Variants in SYT9 observed in about 807,000 individuals in gnomAD.
SYT9 encodes synaptotagmin-9.
A neutral mutation model predicts 48.4 loss-of-function variants in SYT9; 22 were observed. That is an observed-to-expected ratio of 0.45 (90% confidence interval 0.32 to 0.65). The LOEUF is 0.65. Ranked by LOEUF, SYT9 falls within the 30% of genes least tolerant of loss-of-function variation. SYT9 has a pLI of 0.03. For missense variants in SYT9, 577 were observed against 622.0 expected, an observed-to-expected ratio of 0.93 and a Z score of 0.77; for synonymous variants, 265 against 245.0, an observed-to-expected ratio of 1.08 and a Z score of -0.76.
At chr11:7,267,713 A>G (rs1848213630) in intron 1 of SYT9, among the ~76,000 whole-genome samples, 1 of 151,992 alleles carries the variant, frequency 6.6e-6, no homozygotes, top group South Asian at 2.1e-4. Flanking sequence ...AAAAAAAATA[A>G]GAGCAAAGCA....
chr11:7,299,932 T>C (rs1173508802), intron 1 of SYT9, among the ~76,000 whole-genome samples: 1 of 152,148 alleles, frequency 6.6e-6, no homozygotes, highest in African/African-American at 2.4e-5. Flanking sequence ...AGAGGTCACG[T>C]TGTACTAAGC....
intron 6 of SYT9, among the ~76,000 whole-genome samples, chr11:7,447,310 C>A (rs1400002166): frequency 6.6e-6 from 1 of 152,146 alleles, no homozygotes; most frequent in Non-Finnish European, 1.5e-5. Context: ...ACCCAAGTTC[C>A]TTAGAGGGCA....
At chr11:7,373,415 C>T (rs1413587116) in intron 3 of SYT9, among the ~76,000 whole-genome samples, 1 of 152,144 alleles carries the variant, frequency 6.6e-6, no homozygotes, top group Non-Finnish European at 1.5e-5. Flanking sequence ...CACCTCTCCT[C>T]TTCCTATATT....
chr11:7,440,957 A>T (rs909938678), intron 6 of SYT9: 3 of 152,218 alleles, frequency 2.0e-5, no homozygotes, highest in African/African-American at 7.2e-5. Flanking sequence ...GGGATGTGGA[A>T]AAAAAGGGTT....
chr11:7,319,192 C>CTTTTTTTTTTTTTTTTTTTTTTTCTTTT (rs71056795), intron 3 of SYT9, among the ~76,000 whole-genome samples: 1 of 86,188 alleles, frequency 1.2e-5, no homozygotes, highest in Non-Finnish European at 2.2e-5. Context: ...TCTTCTTTTT[C>CTTTTTTTTTTTTTTTTTTTTTTTCTTTT]TTTTTTTTTT....
intron 3 of SYT9, among the ~76,000 whole-genome samples, chr11:7,345,624 A>G (rs1326242699): frequency 6.6e-6 from 1 of 152,216 alleles, no homozygotes; most frequent in Non-Finnish European, 1.5e-5. Flanking sequence ...CATGTGTTCC[A>G]TTTTTAACAT....
chr11:7,438,250 T>C (rs1470588348), intron 6 of SYT9: 1 of 152,030 alleles, frequency 6.6e-6, no homozygotes, highest in Non-Finnish European at 1.5e-5. Context: ...AAAGGAAAGG[T>C]TGAAGATACA....
rs779779931 is a variant in SYT9, at chr11:7,350,531, T to A, written c.1044+36590T>A. ...CTGCAGGCCACAAGTTTTTATCCCCTCTTTCCTATGTCTCAGCCTACTTCT... is the reference window on the plus strand; with the variant it reads ...CTGCAGGCCACAAGTTTTTATCCCCACTTTCCTATGTCTCAGCCTACTTCT... On this transcript the variant is annotated intron_variant, in intron 3 of 6. Coordinates refer to ENST00000318881, the MANE Select transcript of SYT9 (RefSeq NM_175733.4). Among the ~76,000 whole-genome samples, 17 of 152,228 alleles carry A rather than the reference T, an allele frequency of 1.1e-4. 1 individual carries two copies. The highest frequency in any genetic ancestry group is 8.8e-5 in the Non-Finnish European group (6 of 68,032).
intron 1 of SYT9, among the ~76,000 whole-genome samples, chr11:7,284,163 G>A (rs949977762): frequency 8.5e-5 from 13 of 152,180 alleles, no homozygotes; most frequent in African/African-American, 2.6e-4. Flanking sequence ...AAATAAAAGC[G>A]TATTTCTTCA....
intron 1 of SYT9, among the ~76,000 whole-genome samples, chr11:7,241,834 G>T (rs149293406): frequency 6.6e-6 from 1 of 152,168 alleles, no homozygotes; most frequent in Non-Finnish European, 1.5e-5. Context: ...GAAAAATCCT[G>T]CCAGATAATT....
chr11:7,266,651 T>G (rs1267820920), intron 1 of SYT9, among the ~76,000 whole-genome samples: 3 of 152,150 alleles, frequency 2.0e-5, no homozygotes, highest in East Asian at 3.8e-4. Context: ...TTCAATCACA[T>G]CTGCCTTCCC....
chr11:7,265,544 T>C (rs1471564569), intron 1 of SYT9, among the ~76,000 whole-genome samples: 1 of 152,140 alleles, frequency 6.6e-6, no homozygotes, highest in African/African-American at 2.4e-5. Context: ...GCCTTCGTGG[T>C]TTACAATTAC....
intron 1 of SYT9, among the ~76,000 whole-genome samples, chr11:7,243,471 C>A (rs1078089): frequency 0.24 from 37,116 of 152,006 alleles, 4,856 homozygotes; most frequent in East Asian, 0.52. Context: ...TCTTTCTCCC[C>A]CTTCTGCCTC....
At chr11:7,420,446 T>C (rs1847330638) in intron 5 of SYT9, 60 bp from the exon 6 acceptor site, 3 of 1,588,600 alleles carry the variant, frequency 1.9e-6, no homozygotes, top group Middle Eastern at 3.4e-4. Flanking sequence ...TTTAATTGAG[T>C]AGCTATTGAT....
intron 2 of SYT9, among the ~76,000 whole-genome samples, chr11:7,309,242 A>G (rs1037757798): frequency 2.0e-4 from 30 of 152,124 alleles, no homozygotes; most frequent in African/African-American, 6.7e-4. Flanking sequence ...GAGAGTTCCA[A>G]CCCCAGCAGC....
chr11:7,262,152 A>T (rs1035089888), intron 1 of SYT9, among the ~76,000 whole-genome samples: 1 of 152,136 alleles, frequency 6.6e-6, no homozygotes, highest in Admixed American at 6.5e-5. Context: ...GAAGGTGGAG[A>T]TGACAACATT....
At chr11:7,277,987 G>T (rs1564844852) in intron 1 of SYT9, among the ~76,000 whole-genome samples, 1 of 152,172 alleles carries the variant, frequency 6.6e-6, no homozygotes, top group South Asian at 2.1e-4. Flanking sequence ...CTAAAGAAAA[G>T]GAATTTATTT....
intron 1 of SYT9, among the ~76,000 whole-genome samples, chr11:7,239,752 G>A (rs1487845): frequency 0.13 from 19,074 of 152,144 alleles, 1,264 homozygotes; most frequent in Admixed American, 0.18. Context: ...AGATTTGCTG[G>A]TGGATTGGAT....
chr11:7,414,782 C>T (rs570515464), intron 3 of SYT9, among the ~76,000 whole-genome samples: 25 of 152,228 alleles, frequency 1.6e-4, no homozygotes, highest in African/African-American at 5.1e-4. Context: ...GGAGGTTGGG[C>T]GAGGTGACCT....
Sources: gnomAD v4.1 joint callset for allele counts (sites outside exome capture counted in the v4.1 genomes callset) on GRCh38, gnomAD v4.1.1 for gene constraint, MANE v1.5 for transcripts, NCBI Gene and HGNC (gene_info 2026-07-23, HGNC 2026-07-21) for gene names.